Variants in SORT1 observed in about 807,000 individuals in gnomAD.
SORT1 encodes the protein sortilin.
Under a neutral mutation model 101.7 loss-of-function variants are expected in SORT1, and 39 were observed. That is an observed-to-expected ratio of 0.38 (90% confidence interval 0.30 to 0.50). SORT1 has a LOEUF of 0.50. Among genes scored for constraint, SORT1 ranks in the 20% least tolerant of loss-of-function variants. The pLI, the probability that SORT1 is intolerant of heterozygous loss-of-function variation, is 0.90. For synonymous variants in SORT1, 396 were observed against 393.7 expected, an observed-to-expected ratio of 1.01 and a Z score of -0.07; for missense variants, 878 against 1,040.4, an observed-to-expected ratio of 0.84 and a Z score of 2.15.
chr1:109,389,592 A>G (rs921763068), intron 1 of SORT1, among the ~76,000 whole-genome samples: 1 of 152,224 alleles, frequency 6.6e-6, no homozygotes, highest in Non-Finnish European at 1.5e-5. Context: ...GCACATTATC[A>G]GCAAGAGTTC....
At chr1:109,373,201 C>A (rs567131668) in intron 1 of SORT1, among the ~76,000 whole-genome samples, 1 of 152,326 alleles carries the variant, frequency 6.6e-6, no homozygotes, top group South Asian at 2.1e-4. Context: ...AACTGGCTTA[C>A]TGCCTGGAGA....
chr1:109,396,726 G>A (rs776637129), intron 1 of SORT1, among the ~76,000 whole-genome samples: 1 of 152,132 alleles, frequency 6.6e-6, no homozygotes, highest in Non-Finnish European at 1.5e-5. Context: ...AACAGGCAAG[G>A]GAGAAAATAT....
Position 109,327,404 on chromosome 1 carries a change from A to G in SORT1, c.1474+95T>C, listed in dbSNP as rs892987088. ...ACCAAAGGAATGTAAAAGCATCCAC[A>G]TTGTTTCTTCTCAGAGCGTTCAAAG... On this transcript the variant is annotated intron_variant, in intron 12 of 19. Coordinates refer to ENST00000256637, the MANE Select transcript of SORT1 (RefSeq NM_002959.7). 2.6e-5 allele frequency: 21 copies of G among 803,928 alleles called. No homozygotes were observed. In the East Asian group the frequency reaches 4.1e-4, roughly 16 times the overall value. The allele number at this position is 803,928 out of a possible 1,614,324, so 49.8% of individuals were successfully genotyped here.
intron 3 of SORT1, among the ~76,000 whole-genome samples, 169 bp from the exon 4 acceptor site, chr1:109,355,638 T>TCCCCC (rs779609132): frequency 1.5e-4 from 6 of 41,308 alleles, no homozygotes; most frequent in Admixed American, 2.6e-4. Context: ...CGAAGAACAT[T>TCCCCC]CCACCCGCCC....
At chr1:109,364,223 C>T (rs1650932104) in intron 3 of SORT1, among the ~76,000 whole-genome samples, 1 of 151,968 alleles carries the variant, frequency 6.6e-6, no homozygotes, top group Admixed American at 6.6e-5. Context: ...CAAAAACAGG[C>T]TGAAAAAAGG....
chr1:109,339,219 C>T lies in SORT1; in HGVS notation c.1264+1505G>A, dbSNP rs188838013. On this transcript the variant is annotated intron_variant, in intron 10 of 19. Coordinates refer to ENST00000256637, the MANE Select transcript of SORT1 (RefSeq NM_002959.7). ...GTGTACTTCCTTCAGCTGAAAATGC[C>T]CTTCCCTCCCCATTCCTGCCTATCA... 1.1e-3 allele frequency among the ~76,000 whole-genome samples: 169 copies of T among 152,214 alleles called. 1 individual carries two copies. The highest frequency in any genetic ancestry group is 3.4e-3 in the Middle Eastern group (1 of 294).
At chr1:109,333,817 C>T (rs568731113) in intron 11 of SORT1, among the ~76,000 whole-genome samples, 1 of 152,312 alleles carries the variant, frequency 6.6e-6, no homozygotes, top group East Asian at 1.9e-4. Flanking sequence ...CTGGTACAGC[C>T]ATTATGCAAT....
In SORT1 at chr1:109,326,460, T is replaced by C. The variant is rs868080877; in HGVS notation, c.1643+532A>G. Among the ~76,000 whole-genome samples, 108 of 45,850 alleles carry C rather than the reference T, an allele frequency of 2.4e-3. 1 individual carries two copies. The highest frequency in any genetic ancestry group is 8.3e-3 in the African/African-American group (101 of 12,206). 30.1% of individuals were successfully genotyped at this position (45,850 alleles called of 152,430 possible). On this transcript the variant is annotated intron_variant, in intron 13 of 19. Coordinates refer to ENST00000256637, the MANE Select transcript of SORT1 (RefSeq NM_002959.7). ...ATATATATATATATATATATATATATATATACATACACACACACACACACA... is the reference window on the plus strand; with the variant it reads ...ATATATATATATATATATATATATACATATACATACACACACACACACACA...
At position 109,351,202 on chromosome 1, in the gene SORT1, C is replaced by T. The variant is rs550340289; in HGVS notation, c.709-200G>A. Reference sequence around the variant, plus strand: ...TCTTGGAAGTTCAGAATAACAAATGCGTATGAAGTGCCTATTATGTGCCAG... The same window carrying T: ...TCTTGGAAGTTCAGAATAACAAATGTGTATGAAGTGCCTATTATGTGCCAG... On this transcript the variant is annotated intron_variant, in intron 5 of 19. Coordinates refer to ENST00000256637, the MANE Select transcript of SORT1 (RefSeq NM_002959.7). Among the ~76,000 whole-genome samples, 12 of 152,258 alleles carry T rather than the reference C, an allele frequency of 7.9e-5. No individual in the cohort carries two copies. In the South Asian group the frequency reaches 1.5e-3, roughly 18 times the overall value.
intron 10 of SORT1, 74 bp from the exon 11 acceptor site, chr1:109,336,420 G>T: frequency 2.1e-6 from 2 of 953,964 alleles, no homozygotes; most frequent in South Asian, 2.6e-5. Context: ...ATCACTGCAT[G>T]ACTCTCTCCT....
At chr1:109,324,177 G>GGA (rs1450420621) in intron 14 of SORT1, among the ~76,000 whole-genome samples, 1 of 151,886 alleles carries the variant, frequency 6.6e-6, no homozygotes, top group Non-Finnish European at 1.5e-5. Context: ...CGCCCAGGCT[G>GGA]GAGTGCAATG....
chr1:109,393,287 GTAGT>G (rs1310123786), intron 1 of SORT1: 1 of 985,076 alleles, frequency 1.0e-6, no homozygotes, highest in African/African-American at 1.7e-5. Flanking sequence ...GTTTACAGAA[GTAGT>G]TAGTGACAGG....
intron 3 of SORT1, chr1:109,366,999 G>C (rs1461950851): frequency 6.4e-6 from 1 of 155,418 alleles, no homozygotes; most frequent in Admixed American, 6.5e-5. Flanking sequence ...TTGGAGGCAG[G>C]TGGATCATTC....
chr1:109,380,700 C>T (rs372302119), intron 1 of SORT1, among the ~76,000 whole-genome samples: 35 of 148,432 alleles, frequency 2.4e-4, no homozygotes, highest in African/African-American at 7.2e-4. Context: ...AAGAACAGGC[C>T]GGTGCAGTGG....
At chr1:109,371,297 T>A (rs1651469919) in intron 1 of SORT1, among the ~76,000 whole-genome samples, 1 of 152,220 alleles carries the variant, frequency 6.6e-6, no homozygotes. Flanking sequence ...GTGTCTTATA[T>A]GATATTTCAC....
intron 1 of SORT1, chr1:109,397,200 G>GA (rs1653229598): frequency 6.6e-6 from 1 of 152,270 alleles, no homozygotes; most frequent in Non-Finnish European, 1.5e-5. Context: ...ACCCAGAGAG[G>GA]ACACACCTTT....
Position 109,313,762 on chromosome 1 carries a change from CAA to C in SORT1, c.*279_*280del, listed in dbSNP as rs68028414. 0.73 allele frequency: 346,469 copies of C among 475,998 alleles called. 128,327 individuals carry two copies. The highest frequency in any genetic ancestry group is 0.97 in the East Asian group (27,344 of 28,066). 29.5% of individuals were successfully genotyped at this position (475,998 alleles called of 1,614,324 possible). ...TTTCGTTTCCCTTAAAAAACAAAAA[CAA>C]AAAAGCCCATACTTTGCAAAGAGAC... On this transcript the variant is annotated 3_prime_UTR_variant, in exon 20 of 20. Transcript: ENST00000256637.
Position 109,346,287 on chromosome 1 carries a change from T to C in SORT1, c.833-406A>G, listed in dbSNP as rs148449017. ...GAGATCGCGCCACTGTGCTCCAGCC[T>C]GTATGACAGAGCAAGACTCCGTCTC... is the stretch of plus-strand genomic sequence containing the variant. On this transcript the variant is annotated intron_variant, in intron 7 of 19. Transcript: ENST00000256637. 4.7e-3 allele frequency among the ~76,000 whole-genome samples: 696 copies of C among 148,930 alleles called. 10 individuals are homozygous for C. The highest frequency in any genetic ancestry group is 0.017 in the African/African-American group (671 of 40,124).
intron 1 of SORT1, chr1:109,392,837 CAACCAGGACCAAG>C: frequency 3.0e-6 from 3 of 985,170 alleles, no homozygotes; most frequent in Non-Finnish European, 3.6e-6. Flanking sequence ...TCACTCTGCT[CAACCAGGACCAAG>C]AAGGAGATCC....
Sources: allele counts gnomAD v4.1 joint callset (sites outside exome capture counted in the v4.1 genomes callset), GRCh38; gene constraint gnomAD v4.1.1; transcripts MANE v1.5; gene names NCBI Gene and HGNC (gene_info 2026-07-23, HGNC 2026-07-21).